Variants in RGS18 observed in about 807,000 individuals in gnomAD.
The protein encoded by RGS18 is regulator of G-protein signaling 18.
Under a neutral mutation model 27.6 loss-of-function variants are expected in RGS18, and 22 were observed. That is an observed-to-expected ratio of 0.80 (90% CI 0.57 to 1.14). The LOEUF is 1.14. RGS18 is among the 50% of genes most tolerant of loss of function. The pLI, the probability that RGS18 is intolerant of heterozygous loss-of-function variation, is 0.00. For synonymous variants in RGS18, 89 were observed against 84.6 expected, an observed-to-expected ratio of 1.05 and a Z score of -0.29; for missense variants, 299 against 269.6, an observed-to-expected ratio of 1.11 and a Z score of -0.76.
intron 3 of RGS18, among the ~76,000 whole-genome samples, chr1:192,179,657 C>T (rs1246665947): frequency 6.6e-6 from 1 of 151,504 alleles, no homozygotes; most frequent in Non-Finnish European, 1.5e-5. Flanking sequence ...ATTCATCAAC[C>T]TGAATAAATC....
rs1656110235 is a variant in RGS18, at chr1:192,163,619, T to A, written c.283+3180T>A. 2 of 152,132 alleles carry A rather than the reference T, an allele frequency of 1.3e-5. 1 individual carries two copies. Among genetic ancestry groups the A allele is most frequent in the South Asian group, 4.1e-4 (2 of 4,838 alleles). 9.4% of individuals were successfully genotyped at this position (152,132 alleles called of 1,614,324 possible). On this transcript the variant is annotated intron_variant, in intron 3 of 4. Coordinates refer to ENST00000367460, the MANE Select transcript of RGS18 (RefSeq NM_130782.3). ...TTTAAAGAAATCAGCACTGACCCACTGGATATTATCACTTGTCATGATTAC... is the reference window on the plus strand; with the variant it reads ...TTTAAAGAAATCAGCACTGACCCACAGGATATTATCACTTGTCATGATTAC...
chr1:192,183,692 T>C (rs972216815), intron 4 of RGS18, among the ~76,000 whole-genome samples: 4 of 151,586 alleles, frequency 2.6e-5, no homozygotes, highest in Middle Eastern at 3.2e-3. Flanking sequence ...AACAACCCAA[T>C]TGTTTACTAA....
chr1:192,179,327 A>C (rs1351522895), intron 3 of RGS18, among the ~76,000 whole-genome samples: 2 of 151,584 alleles, frequency 1.3e-5, no homozygotes, highest in African/African-American at 4.8e-5. Context: ...ACTCATTTAA[A>C]TCCAACTCAA....
chr1:192,181,168 G>A (rs1238460157), intron 3 of RGS18, 124 bp from the exon 4 acceptor site: 6 of 534,490 alleles, frequency 1.1e-5, no homozygotes, highest in South Asian at 6.0e-5. Context: ...TGTGTGCTGC[G>A]GTGCTGCATT....
At chr1:192,172,729 T>G (rs1356518206) in intron 3 of RGS18, among the ~76,000 whole-genome samples, 1 of 151,640 alleles carries the variant, frequency 6.6e-6, no homozygotes, top group East Asian at 1.9e-4. Flanking sequence ...ACCTGGATAA[T>G]CTCCCCCATC....
chr1:192,160,027 G>GT (rs1228400587), intron 2 of RGS18, among the ~76,000 whole-genome samples: 1 of 151,642 alleles, frequency 6.6e-6, no homozygotes, highest in Non-Finnish European at 1.5e-5. Context: ...TGTGAGTTTA[G>GT]TTTTTTTCTA....
At chr1:192,174,257 A>G (rs1175729615) in intron 3 of RGS18, among the ~76,000 whole-genome samples, 1 of 151,650 alleles carries the variant, frequency 6.6e-6, no homozygotes, top group Non-Finnish European at 1.5e-5. Flanking sequence ...TATCTATGTT[A>G]CTAGTGTCAA....
At chr1:192,163,777 T>C (rs1475829353) in intron 3 of RGS18, 1 of 151,722 alleles carries the variant, frequency 6.6e-6, no homozygotes, top group Non-Finnish European at 1.5e-5. Flanking sequence ...AATAATCACC[T>C]AAAACAAGCC....
chr1:192,167,982 G>T lies in RGS18; in HGVS notation c.283+7543G>T, dbSNP rs970903620. On this transcript the variant is annotated intron_variant, in intron 3 of 4. Coordinates refer to ENST00000367460, the MANE Select transcript of RGS18 (RefSeq NM_130782.3). ...GCATCAGAAAAATACTCCAACAGAT[G>T]CCAGAGTTTCAATTTAGAAACATGC... The T allele has an allele frequency of 2.6e-5, 4 of 152,146 alleles. No homozygotes were observed. The East Asian group carries it at 7.7e-4, about 29-fold the overall frequency. 9.4% of individuals were successfully genotyped at this position (152,146 alleles called of 1,614,324 possible).
At chr1:192,178,518 C>T (rs1656396167) in intron 3 of RGS18, among the ~76,000 whole-genome samples, 1 of 151,474 alleles carries the variant, frequency 6.6e-6, no homozygotes, top group Non-Finnish European at 1.5e-5. Flanking sequence ...GTTTAGCTGC[C>T]ATTGAGGAGA....
At chr1:192,170,847 A>G (rs1350241296) in intron 3 of RGS18, among the ~76,000 whole-genome samples, 2 of 152,142 alleles carry the variant, frequency 1.3e-5, no homozygotes, top group Non-Finnish European at 1.5e-5. Context: ...TTGAGAGGAT[A>G]TTGCAATTTA....
At chr1:192,173,838 G>A (rs1182848369) in intron 3 of RGS18, among the ~76,000 whole-genome samples, 6 of 151,728 alleles carry the variant, frequency 4.0e-5, no homozygotes, top group Admixed American at 3.9e-4. Flanking sequence ...TTTTATTAAT[G>A]TTTTAACAGA....
chr1:192,181,134 G>T (rs1182029698), intron 3 of RGS18, among the ~76,000 whole-genome samples, 158 bp from the exon 4 acceptor site: 1 of 151,598 alleles, frequency 6.6e-6, no homozygotes, highest in Non-Finnish European at 1.5e-5. Context: ...CGACATGAGG[G>T]TCTCTCAGGT....
intron 1 of RGS18, 84 bp downstream of exon 1, chr1:192,158,840 T>C: frequency 1.1e-6 from 1 of 949,780 alleles, no homozygotes; most frequent in Non-Finnish European, 1.6e-6. Flanking sequence ...GTTTTTGAAC[T>C]ATTGGGTGGA....
chr1:192,179,846 CAT>C (rs1383631099), intron 3 of RGS18, among the ~76,000 whole-genome samples: 1 of 151,430 alleles, frequency 6.6e-6, no homozygotes, highest in Non-Finnish European at 1.5e-5. Context: ...AAAAGGGCAA[CAT>C]GTGTTACACT....
chr1:192,164,166 A>T (rs1377714029), intron 3 of RGS18, among the ~76,000 whole-genome samples: 1 of 152,180 alleles, frequency 6.6e-6, no homozygotes, highest in African/African-American at 2.4e-5. Context: ...TAGGAATGAA[A>T]CCACAGGATG....
chr1:192,184,301 A>G lies in RGS18; in HGVS notation c.455A>G (p.Asn152Ser), dbSNP rs758238355. 1.4e-5 allele frequency: 23 copies of G among 1,606,926 alleles called. No homozygotes were observed. The highest frequency in any genetic ancestry group is 2.0e-5 in the Non-Finnish European group (23 of 1,174,742). The change falls in exon 5 of 5, where the codon AAC becomes AGC. Residue 152 changes from asparagine to serine, a missense_variant. Transcript: ENST00000367460. ...FIQTDAPKEV[N>S]LDFHTKEVIT... ...ACTTTTTTTCTGTTTATCCAGGTTA[A>G]CCTTGATTTTCACACAAAAGAAGTC...
At position 192,174,432 on chromosome 1, in the gene RGS18, A is replaced by G. The variant is rs1656322065; in HGVS notation, c.284-6860A>G. On this transcript the variant is annotated intron_variant, in intron 3 of 4. Coordinates refer to ENST00000367460, the MANE Select transcript of RGS18 (RefSeq NM_130782.3). ...TGGTAGATCATTTTGTAATTTTTCA[A>G]TTCAGTCGAATTAATGATGTTTAAG... 2.0e-5 allele frequency among the ~76,000 whole-genome samples: 3 copies of G among 151,884 alleles called. No individual in the cohort carries two copies. The South Asian group carries it at 6.2e-4, about 31-fold the overall frequency.
chr1:192,162,354 G>GCT (rs1656088893), intron 3 of RGS18, among the ~76,000 whole-genome samples: 1 of 152,002 alleles, frequency 6.6e-6, no homozygotes, highest in African/African-American at 2.4e-5. Flanking sequence ...TGTAGCCTAG[G>GCT]CTGGAGTGCA....
Sources: gnomAD v4.1 joint callset for allele counts (sites outside exome capture counted in the v4.1 genomes callset) on GRCh38, gnomAD v4.1.1 for gene constraint, MANE v1.5 for transcripts, NCBI Gene and HGNC (gene_info 2026-07-23, HGNC 2026-07-21) for gene names.